Variants in SRPK2 observed in about 807,000 individuals in gnomAD.
The protein encoded by SRPK2 is SRSF protein kinase 2.
A neutral mutation model predicts 90.8 loss-of-function variants in SRPK2; 21 were observed. The ratio of observed to expected loss-of-function variants is 0.23; its 90% CI spans 0.16 to 0.33. SRPK2 has a LOEUF of 0.33. SRPK2 is among the 10% of genes least tolerant of loss of function. The pLI is 1.00. For synonymous variants in SRPK2, 288 were observed against 311.1 expected (o/e 0.93, Z 0.78); for missense variants, 620 against 869.0 (o/e 0.71, Z 3.60).
At chr7:105,270,298 C>A (rs1236672155) in intron 2 of SRPK2, among the ~76,000 whole-genome samples, 1 of 152,118 alleles carries the variant, frequency 6.6e-6, no homozygotes, top group Non-Finnish European at 1.5e-5. Context: ...CCTTGAGGAT[C>A]AGGCACATGG....
chr7:105,321,195 T>A (rs1186995595), intron 2 of SRPK2, among the ~76,000 whole-genome samples: 1 of 152,064 alleles, frequency 6.6e-6, no homozygotes, highest in Admixed American at 6.6e-5. Context: ...GCAATAACAG[T>A]CTGCACATGA....
chr7:105,240,683 C>T (rs969448088), intron 2 of SRPK2, among the ~76,000 whole-genome samples: 1 of 152,038 alleles, frequency 6.6e-6, no homozygotes, highest in Admixed American at 6.6e-5. Flanking sequence ...AACTTTGAAC[C>T]TCACTTGACT....
At chr7:105,190,495 G>A (rs923312032) in intron 3 of SRPK2, among the ~76,000 whole-genome samples, 4 of 151,716 alleles carry the variant, frequency 2.6e-5, no homozygotes, top group African/African-American at 4.8e-5. Flanking sequence ...TCCTTTTTTT[G>A]TTTGTTTTTT....
At chr7:105,136,997 A>T (rs967378443) in intron 11 of SRPK2, among the ~76,000 whole-genome samples, 2 of 152,368 alleles carry the variant, frequency 1.3e-5, no homozygotes, top group East Asian at 3.9e-4. Flanking sequence ...TCAGGTAGCT[A>T]AACAGGCTAT....
intron 2 of SRPK2, chr7:105,306,595 G>A: frequency 2.4e-6 from 1 of 415,772 alleles, no homozygotes; most frequent in Non-Finnish European, 4.7e-6. Flanking sequence ...AAACAGTCAT[G>A]AAGAAAAAAC....
chr7:105,314,019 A>G (rs1812029542), intron 2 of SRPK2, among the ~76,000 whole-genome samples: 2 of 152,178 alleles, frequency 1.3e-5, no homozygotes, highest in Non-Finnish European at 2.9e-5. Context: ...AGGGCTCACA[A>G]AAATTCAATA....
chr7:105,157,995 G>C (rs1047056551), intron 7 of SRPK2, among the ~76,000 whole-genome samples: 1 of 152,186 alleles, frequency 6.6e-6, no homozygotes, highest in Non-Finnish European at 1.5e-5. Flanking sequence ...GAGCCCAGGA[G>C]GCCAAGGCTG....
intron 2 of SRPK2, among the ~76,000 whole-genome samples, chr7:105,382,031 G>A (rs184517739): frequency 6.6e-6 from 1 of 152,252 alleles, no homozygotes; most frequent in African/African-American, 2.4e-5. Flanking sequence ...AGCCAGGCGT[G>A]GTGGCACATG....
intron 2 of SRPK2, among the ~76,000 whole-genome samples, chr7:105,303,812 A>G (rs1328859903): frequency 3.3e-5 from 5 of 152,252 alleles, no homozygotes; most frequent in Admixed American, 3.3e-4. Flanking sequence ...TAAAAAAACA[A>G]AACACACGAA....
chr7:105,387,587 G>C (rs1297020630), intron 2 of SRPK2, among the ~76,000 whole-genome samples: 1 of 150,238 alleles, frequency 6.7e-6, no homozygotes, highest in Non-Finnish European at 1.5e-5. Flanking sequence ...CCAACGAGAA[G>C]GGGAAAAAAG....
At chr7:105,148,849 G>C (rs543829764) in intron 7 of SRPK2, among the ~76,000 whole-genome samples, 1 of 152,292 alleles carries the variant, frequency 6.6e-6, no homozygotes, top group African/African-American at 2.4e-5. Flanking sequence ...AGGTTTAAGG[G>C]ATCCAGGGCT....
At chr7:105,366,145 ACCCGGC>A (rs1819027349) in intron 2 of SRPK2, among the ~76,000 whole-genome samples, 1 of 151,256 alleles carries the variant, frequency 6.6e-6, no homozygotes, top group Non-Finnish European at 1.5e-5. Flanking sequence ...GAGCCACCGC[ACCCGGC>A]CTAATGATTT....
chr7:105,211,739 A>T (rs78267718), intron 2 of SRPK2, among the ~76,000 whole-genome samples: 2 of 152,292 alleles, frequency 1.3e-5, no homozygotes, highest in East Asian at 1.9e-4. Flanking sequence ...AGGGACATAG[A>T]TCCAAACTAT....
chr7:105,383,056 T>TTTTTG (rs1464308857), intron 2 of SRPK2, among the ~76,000 whole-genome samples: 9 of 52,362 alleles, frequency 1.7e-4, no homozygotes, highest in African/African-American at 4.8e-4. Context: ...AGTAAAAATT[T>TTTTTG]TTTTTTTTTT....
chr7:105,234,159 T>A (rs1257997176), intron 2 of SRPK2, among the ~76,000 whole-genome samples: 1 of 152,160 alleles, frequency 6.6e-6, no homozygotes, highest in African/African-American at 2.4e-5. Context: ...TAAATGAGAC[T>A]GATTATTTTA....
At chr7:105,133,590 C>T (rs1045856130) in intron 11 of SRPK2, among the ~76,000 whole-genome samples, 2 of 152,198 alleles carry the variant, frequency 1.3e-5, no homozygotes, top group East Asian at 1.9e-4. Context: ...TCCCTGGCAC[C>T]GACACCTCAC....
At chr7:105,172,332 A>G (rs1345206650) in intron 3 of SRPK2, among the ~76,000 whole-genome samples, 1 of 152,222 alleles carries the variant, frequency 6.6e-6, no homozygotes, top group African/African-American at 2.4e-5. Flanking sequence ...ACTATAATAT[A>G]CTGCAGGTGT....
intron 2 of SRPK2, among the ~76,000 whole-genome samples, chr7:105,204,174 AAGAC>A (rs1001979054): frequency 3.2e-4 from 49 of 152,364 alleles, no homozygotes; most frequent in Admixed American, 2.5e-3. Flanking sequence ...CGATTATAAA[AAGAC>A]AGGCGCAAGC....
intron 2 of SRPK2, among the ~76,000 whole-genome samples, chr7:105,319,381 T>C (rs1355903255): frequency 6.6e-6 from 1 of 152,000 alleles, no homozygotes. Context: ...TTATCAAGGC[T>C]AAAAATTACC....
Sources: allele counts gnomAD v4.1 joint callset (sites outside exome capture counted in the v4.1 genomes callset), GRCh38; gene constraint gnomAD v4.1.1; transcripts MANE v1.5; gene names NCBI Gene and HGNC (gene_info 2026-07-23, HGNC 2026-07-21).